PCP4L1: variants seen among roughly 807,000 people sequenced by gnomAD.
The protein encoded by PCP4L1 is Purkinje cell protein 4-like protein 1.
PCP4L1 carries 9 observed loss-of-function variants against 9.6 expected under a neutral mutation model. The observed-to-expected ratio is 0.94, with a 90% CI of 0.57 to 1.64. PCP4L1 has a LOEUF of 1.64. Ranked by LOEUF, PCP4L1 falls within the 40% of genes most tolerant of loss-of-function variation. The pLI is 0.00. For synonymous variants in PCP4L1, 31 were observed against 28.2 expected (o/e 1.10, Z -0.31); for missense variants, 81 against 80.8 (o/e 1.00, Z -0.01).
chr1:161,275,862 C>G (rs1669690745), intron 1 of PCP4L1, among the ~76,000 whole-genome samples: 1 of 143,962 alleles, frequency 6.9e-6, no homozygotes, highest in South Asian at 2.2e-4. Context: ...GTGGTGTGAT[C>G]TCAGCTCATT....
Position 161,284,773 on chromosome 1 carries a change from T to G in PCP4L1, c.*292T>G, listed in dbSNP as rs1669880412. The stretch of plus-strand genomic sequence containing the variant: ...TGCCCTGTAGGGCTAAACAAGAGGC[T>G]TCGAGGCTGAGAGATCTCCCCAAAG... On this transcript the variant is annotated 3_prime_UTR_variant, in exon 3 of 3. Transcript: ENST00000504449. 3 of 380,228 alleles carry G rather than the reference T, an allele frequency of 7.9e-6. No homozygotes were observed. Among genetic ancestry groups the G allele is most frequent in the Non-Finnish European group, 9.6e-6 (2 of 209,262 alleles). The allele number at this position is 380,228 out of a possible 1,614,324, so 23.6% of individuals were successfully genotyped here.
chr1:161,266,311 A>G (rs952316165), intron 1 of PCP4L1, among the ~76,000 whole-genome samples: 3 of 152,192 alleles, frequency 2.0e-5, no homozygotes, highest in Non-Finnish European at 4.4e-5. Flanking sequence ...ATTTTGGGAC[A>G]TTAACACCAT....
intron 1 of PCP4L1, among the ~76,000 whole-genome samples, chr1:161,277,570 C>A (rs1233891120): frequency 6.6e-6 from 1 of 152,182 alleles, no homozygotes. Flanking sequence ...TCTAAAATCA[C>A]TTAGCCTGGA....
chr1:161,258,851 C>A lies in PCP4L1; in HGVS notation c.-124C>A. 1 of 1,419,088 alleles carries A rather than the reference C, an allele frequency of 7.0e-7. No homozygotes were observed. The highest frequency in any genetic ancestry group is 1.4e-5 in the African/African-American group (1 of 70,568). 87.9% of individuals were successfully genotyped at this position (1,419,088 alleles called of 1,614,324 possible). Reference sequence around the variant, plus strand: ...AGCGGCTCTCCGCACTAACTCTCCTCTCCTGGTCAGCTGTAACCCCTGCCG... The same window carrying A: ...AGCGGCTCTCCGCACTAACTCTCCTATCCTGGTCAGCTGTAACCCCTGCCG... On this transcript the variant is annotated 5_prime_UTR_variant, in exon 1 of 3. Transcript: ENST00000504449.
chr1:161,258,913 C>T lies in PCP4L1; in HGVS notation c.-62C>T, dbSNP rs1669367120. The T allele has an allele frequency of 3.9e-6, 6 of 1,534,738 alleles. 1 individual carries two copies. Among genetic ancestry groups the T allele is most frequent in the Non-Finnish European group, 5.2e-6 (6 of 1,146,036 alleles). ...AACTTTCAGCTGTCGCCCGCGGAGCCCCGAGGGCCACTCGCCTCACCTGTG... is the reference window on the plus strand; with the variant it reads ...AACTTTCAGCTGTCGCCCGCGGAGCTCCGAGGGCCACTCGCCTCACCTGTG... On this transcript the variant is annotated 5_prime_UTR_variant, in exon 1 of 3. Transcript: ENST00000504449.
intron 1 of PCP4L1, among the ~76,000 whole-genome samples, chr1:161,272,057 T>C (rs1669632255): frequency 6.6e-6 from 1 of 151,674 alleles, no homozygotes. Flanking sequence ...CTGCCTGCCT[T>C]GGCTTCCCAA....
At chr1:161,283,582 A>C (rs1669857896) in intron 1 of PCP4L1, 86 bp from the exon 2 acceptor site, 8 of 1,236,580 alleles carry the variant, frequency 6.5e-6, no homozygotes, top group Non-Finnish European at 9.2e-6. Context: ...ATAGGGTTTG[A>C]GAGTATATAA....
Position 161,258,768 on chromosome 1 carries a change from G to A in PCP4L1, c.-207G>A. On this transcript the variant is annotated 5_prime_UTR_variant, in exon 1 of 3. Transcript: ENST00000504449. ...CTGAGCGGCTCTGACAGGACGGGTC[G>A]CAGGGGGTCGCCTGGCCGGAGCTGG... 8.0e-6 allele frequency: 6 copies of A among 754,222 alleles called. No individual in the cohort carries two copies. Among genetic ancestry groups the A allele is most frequent in the South Asian group, 3.4e-5 (2 of 58,666 alleles). The allele number at this position is 754,222 out of a possible 1,614,324, so 46.7% of individuals were successfully genotyped here.
chr1:161,270,569 C>CA (rs10530356), intron 1 of PCP4L1, among the ~76,000 whole-genome samples: 36 of 116,576 alleles, frequency 3.1e-4, no homozygotes, highest in Non-Finnish European at 4.6e-4. Flanking sequence ...ACCCCAGGCT[C>CA]AAAAAAAAAA....
Position 161,270,122 on chromosome 1 carries a change from C to T in PCP4L1, c.9+11139C>T, listed in dbSNP as rs377633471. 2.6e-5 allele frequency among the ~76,000 whole-genome samples: 4 copies of T among 151,976 alleles called. No individual in the cohort carries two copies. The East Asian group carries it at 7.7e-4, about 29-fold the overall frequency. ...GACCAGCCTGGCCAACATGGTGAAACCCGGTCTCTACTAAAAATACAAAAA... is the reference window on the plus strand; with the variant it reads ...GACCAGCCTGGCCAACATGGTGAAATCCGGTCTCTACTAAAAATACAAAAA... On this transcript the variant is annotated intron_variant, in intron 1 of 2. Coordinates refer to ENST00000504449, the MANE Select transcript of PCP4L1 (RefSeq NM_001102566.2).
rs536811513 is a variant in PCP4L1, at chr1:161,276,941, C to T, written c.10-6727C>T. Among the ~76,000 whole-genome samples the T allele has an allele frequency of 2.5e-4, 38 of 151,966 alleles. No individual in the cohort carries two copies. The South Asian group carries it at 7.5e-3, about 30-fold the overall frequency. ...CTTTCCCCCTAATGTTTTATTGGAA[C>T]CATTTACCAGAAATGAAAGAATAGT... is the stretch of plus-strand genomic sequence containing the variant. On this transcript the variant is annotated intron_variant, in intron 1 of 2. Coordinates refer to ENST00000504449, the MANE Select transcript of PCP4L1 (RefSeq NM_001102566.2).
At chr1:161,276,042 G>A (rs927137053) in intron 1 of PCP4L1, among the ~76,000 whole-genome samples, 4 of 152,070 alleles carry the variant, frequency 2.6e-5, no homozygotes, top group African/African-American at 9.7e-5. Flanking sequence ...TGATCCGCCT[G>A]CTTCGGCCTC....
At chr1:161,281,169 G>T (rs1355673349) in intron 1 of PCP4L1, among the ~76,000 whole-genome samples, 6 of 152,104 alleles carry the variant, frequency 3.9e-5, no homozygotes, top group African/African-American at 1.4e-4. Context: ...TAAGGTCATA[G>T]ATCAACAGGA....
intron 1 of PCP4L1, among the ~76,000 whole-genome samples, chr1:161,272,629 C>T (rs1416508453): frequency 6.6e-6 from 1 of 150,422 alleles, no homozygotes; most frequent in Non-Finnish European, 1.5e-5. Flanking sequence ...CTGCTTCTTT[C>T]GTCTCTAATG....
At chr1:161,269,819 C>T (rs1384810756) in intron 1 of PCP4L1, among the ~76,000 whole-genome samples, 2 of 151,280 alleles carry the variant, frequency 1.3e-5, no homozygotes, top group East Asian at 2.0e-4. Flanking sequence ...GGCAACATGG[C>T]AAAAACCCAT....
intron 1 of PCP4L1, among the ~76,000 whole-genome samples, chr1:161,266,379 TC>T (rs1239575516): frequency 2.0e-5 from 3 of 152,084 alleles, no homozygotes; most frequent in Non-Finnish European, 4.4e-5. Context: ...CTACTCTCTC[TC>T]CCCCATTCCC....
At chr1:161,269,998 CAAAAAAA>C (rs34089226) in intron 1 of PCP4L1, among the ~76,000 whole-genome samples, 1 of 145,774 alleles carries the variant, frequency 6.9e-6, no homozygotes, top group Non-Finnish European at 1.5e-5. Flanking sequence ...GACCTTGTCT[CAAAAAAA>C]AAAAATAAGG....
At position 161,284,436 on chromosome 1, in the gene PCP4L1, C is replaced by T. The variant is rs770277482; in HGVS notation, c.162C>T (p.Gly54=). The change falls in exon 3 of 3, where the codon GGC becomes GGT. Residue 54 remains glycine (G), a synonymous_variant. Transcript: ENST00000504449. Reference sequence around the variant, plus strand: ...AGAAGGCTGCCCTTGCTATTCAGGGCAAGTTCCGGCGATTTCAGAAAAGGA... The same window carrying T: ...AGAAGGCTGCCCTTGCTATTCAGGGTAAGTTCCGGCGATTTCAGAAAAGGA... The part of the protein sequence containing the change: ...ETEKAALAIQ[G]KFRRFQKRKK... 4 of 1,613,994 alleles carry T rather than the reference C, an allele frequency of 2.5e-6. No individual in the cohort carries two copies. In the Admixed American group the frequency reaches 6.7e-5, roughly 27 times the overall value.
intron 1 of PCP4L1, among the ~76,000 whole-genome samples, chr1:161,270,464 CCAAGATGATGATA>C (rs1369227671): frequency 6.7e-6 from 1 of 149,918 alleles, no homozygotes; most frequent in Admixed American, 6.7e-5. Context: ...ATCCTAACCC[CCAAGATGATGATA>C]CTAGGAAGTG....
Sources: allele counts gnomAD v4.1 joint callset (sites outside exome capture counted in the v4.1 genomes callset), GRCh38; gene constraint gnomAD v4.1.1; transcripts MANE v1.5; gene names NCBI Gene and HGNC (gene_info 2026-07-23, HGNC 2026-07-21).